The following ELMO1 variants were observed in gnomAD, a reference collection of about 807,000 sequenced individuals.
The protein encoded by ELMO1 is engulfment and cell motility 1.
ELMO1 carries 26 observed loss-of-function variants against 98.9 expected under a neutral mutation model. The ratio of observed to expected loss-of-function variants is 0.26; its 90% CI spans 0.19 to 0.36. ELMO1 has a LOEUF of 0.36. Ranked by LOEUF, ELMO1 falls within the 10% of genes least tolerant of loss-of-function variation. The pLI is 1.00. For synonymous variants in ELMO1, 346 were observed against 346.0 expected (o/e 1.00, Z 0.00); for missense variants, 627 against 935.2 (o/e 0.67, Z 4.30).
intron 1 of ELMO1, among the ~76,000 whole-genome samples, chr7:37,350,700 C>T (rs1231516126): frequency 6.6e-6 from 1 of 152,132 alleles, no homozygotes; most frequent in Non-Finnish European, 1.5e-5. Flanking sequence ...TGTTCAAATC[C>T]TAACCCCCAG....
chr7:37,181,008 C>T (rs1311561494), intron 13 of ELMO1, among the ~76,000 whole-genome samples: 1 of 152,002 alleles, frequency 6.6e-6, no homozygotes, highest in Non-Finnish European at 1.5e-5. Flanking sequence ...ATTTTTGGAA[C>T]TAGATAGTGG....
intron 14 of ELMO1, among the ~76,000 whole-genome samples, chr7:37,114,591 T>C (rs1785457296): frequency 6.6e-6 from 1 of 152,108 alleles, no homozygotes; most frequent in Non-Finnish European, 1.5e-5. Context: ...TGAACCCCTA[T>C]GGAAGGCAGA....
chr7:37,002,024 G>A (rs1474112951), intron 16 of ELMO1: 1 of 152,212 alleles, frequency 6.6e-6, no homozygotes, highest in African/African-American at 2.4e-5. Flanking sequence ...TGTTAATGCT[G>A]TGTAACAAAC....
chr7:37,040,038 G>A (rs1274521297), intron 15 of ELMO1, among the ~76,000 whole-genome samples: 1 of 152,160 alleles, frequency 6.6e-6, no homozygotes, highest in Admixed American at 6.5e-5. Context: ...GTTTGTGTTT[G>A]TGTGTATGTG....
intron 2 of ELMO1, among the ~76,000 whole-genome samples, chr7:37,321,864 T>C (rs1420999092): frequency 2.0e-5 from 3 of 150,008 alleles, no homozygotes; most frequent in African/African-American, 7.3e-5. Flanking sequence ...TCCCTTTTTT[T>C]TTTTTTTTTT....
intron 20 of ELMO1, among the ~76,000 whole-genome samples, chr7:36,868,350 T>C (rs1455839671): frequency 5.0e-5 from 5 of 100,162 alleles, no homozygotes; most frequent in Admixed American, 4.6e-4. Context: ...TTCTTCTTCT[T>C]TTTTTTTTTT....
chr7:37,445,377 G>C (rs1001679008), intron 1 of ELMO1, among the ~76,000 whole-genome samples: 1 of 152,190 alleles, frequency 6.6e-6, no homozygotes, highest in Admixed American at 6.5e-5. Context: ...GTGGTTACAA[G>C]CTTGAGTTAC....
chr7:37,266,713 G>T (rs1026658695), intron 5 of ELMO1, among the ~76,000 whole-genome samples: 10 of 152,036 alleles, frequency 6.6e-5, no homozygotes, highest in African/African-American at 1.9e-4. Context: ...CATGAGATAG[G>T]TAGAAATACA....
chr7:37,405,162 C>T (rs1421055119), intron 1 of ELMO1, among the ~76,000 whole-genome samples: 1 of 151,864 alleles, frequency 6.6e-6, no homozygotes, highest in East Asian at 1.9e-4. Context: ...TGAATCTTTC[C>T]CAAGAATAAG....
intron 17 of ELMO1, among the ~76,000 whole-genome samples, chr7:36,894,196 CAT>C (rs1347532789): frequency 2.0e-5 from 3 of 152,180 alleles, no homozygotes; most frequent in Non-Finnish European, 4.4e-5. Flanking sequence ...AAATACCCCT[CAT>C]GTGTGAGTTC....
intron 16 of ELMO1, among the ~76,000 whole-genome samples, chr7:36,954,682 G>GTTTTATTAATA (rs761902125): frequency 1.3e-4 from 20 of 152,122 alleles, no homozygotes; most frequent in Non-Finnish European, 2.5e-4. Flanking sequence ...TGAGTCCAAG[G>GTTTTATTAATA]TTTTATTAAT....
At chr7:36,904,055 T>C (rs778862980) in intron 16 of ELMO1, among the ~76,000 whole-genome samples, 1 of 152,186 alleles carries the variant, frequency 6.6e-6, no homozygotes, top group African/African-American at 2.4e-5. Context: ...TCAGGCACTG[T>C]GTAGGGACCT....
At chr7:37,375,134 T>C (rs1802282445) in intron 1 of ELMO1, among the ~76,000 whole-genome samples, 1 of 152,198 alleles carries the variant, frequency 6.6e-6, no homozygotes, top group African/African-American at 2.4e-5. Flanking sequence ...ATCTTCCTGA[T>C]TCCTCTAGTA....
chr7:37,025,394 C>T (rs1186929542), intron 15 of ELMO1, among the ~76,000 whole-genome samples: 1 of 152,106 alleles, frequency 6.6e-6, no homozygotes, highest in Non-Finnish European at 1.5e-5. Context: ...ATGCATCAAC[C>T]TGACTGGGCC....
At chr7:37,132,092 C>A (rs1368955943) in intron 14 of ELMO1, among the ~76,000 whole-genome samples, 2 of 152,116 alleles carry the variant, frequency 1.3e-5, no homozygotes, top group East Asian at 1.9e-4. Flanking sequence ...AGCTAAGAAC[C>A]ATCAAGTCTC....
At chr7:36,952,022 A>AAGGAAGC (rs1353484319) in intron 16 of ELMO1, among the ~76,000 whole-genome samples, 5 of 152,212 alleles carry the variant, frequency 3.3e-5, no homozygotes, top group African/African-American at 1.2e-4. Flanking sequence ...AGGATCTGGC[A>AAGGAAGC]AGGAAGCAGG....
chr7:37,002,839 AG>A (rs1792778386), intron 16 of ELMO1, among the ~76,000 whole-genome samples: 1 of 152,206 alleles, frequency 6.6e-6, no homozygotes, highest in South Asian at 2.1e-4. Flanking sequence ...AGAAAGAGCA[AG>A]GCTCTGCTCT....
intron 1 of ELMO1, among the ~76,000 whole-genome samples, chr7:37,443,473 TTC>T (rs1180232160): frequency 6.6e-6 from 1 of 152,218 alleles, no homozygotes; most frequent in African/African-American, 2.4e-5. Context: ...CTGTAGTTAA[TTC>T]TGTTTGATGA....
rs544312653 is a variant in ELMO1, at chr7:37,032,633, G to A, written c.1301-19198C>T. ...AGAGACATTCTCCAAAATAATCAGT[G>A]GTCAAGCAGTGAGCATGAAGCAAAG... On this transcript the variant is annotated intron_variant, in intron 15 of 21. Transcript: ENST00000310758. Among the ~76,000 whole-genome samples, 17 of 152,296 alleles carry A rather than the reference G, an allele frequency of 1.1e-4. No homozygotes were observed. In the South Asian group the frequency reaches 2.5e-3, roughly 22 times the overall value.
Sources: gnomAD v4.1 joint callset for allele counts (sites outside exome capture counted in the v4.1 genomes callset) on GRCh38, gnomAD v4.1.1 for gene constraint, MANE v1.5 for transcripts, NCBI Gene and HGNC (gene_info 2026-07-23, HGNC 2026-07-21) for gene names.